Variants in CRPPA observed in about 807,000 individuals in gnomAD.
CRPPA encodes CDP-L-ribitol pyrophosphorylase A, also known as D-ribitol-5-phosphate cytidylyltransferase.
A neutral mutation model predicts 52.0 loss-of-function variants in CRPPA; 43 were observed. The ratio of observed to expected loss-of-function variants is 0.83; its 90% confidence interval spans 0.65 to 1.07. The LOEUF (loss-of-function observed/expected upper bound fraction) is 1.07. CRPPA is among the 50% of genes least tolerant of loss of function. The pLI is 0.00. For synonymous variants in CRPPA, 250 were observed against 203.5 expected (o/e 1.23, Z -1.94); for missense variants, 629 against 551.7 (o/e 1.14, Z -1.40).
intron 5 of CRPPA, among the ~76,000 whole-genome samples, chr7:16,283,251 C>CAT (rs140032683): frequency 1.2e-3 from 181 of 145,480 alleles, no homozygotes; most frequent in African/African-American, 2.9e-3. Context: ...ACTGATCTAC[C>CAT]ATATATATAT....
intron 8 of CRPPA, among the ~76,000 whole-genome samples, chr7:16,221,152 C>A (rs1357089772): frequency 2.6e-5 from 4 of 152,192 alleles, no homozygotes; most frequent in Admixed American, 2.0e-4. Flanking sequence ...ATATCTACAA[C>A]TATCTAATCT....
intron 9 of CRPPA, among the ~76,000 whole-genome samples, chr7:16,152,408 G>T (rs555034784): frequency 2.0e-5 from 3 of 151,910 alleles, no homozygotes; most frequent in African/African-American, 7.2e-5. Flanking sequence ...TCAAGAAAAC[G>T]GTAACTACCC....
intron 3 of CRPPA, among the ~76,000 whole-genome samples, chr7:16,310,125 A>G (rs1447358036): frequency 1.3e-5 from 2 of 152,184 alleles, no homozygotes; most frequent in African/African-American, 2.4e-5. Context: ...GGTATTGCAC[A>G]AAATGTTTTG....
At chr7:16,271,895 T>C (rs1784098279) in intron 6 of CRPPA, among the ~76,000 whole-genome samples, 1 of 152,250 alleles carries the variant, frequency 6.6e-6, no homozygotes, top group Non-Finnish European at 1.5e-5. Context: ...CTAGTGACTA[T>C]ATCATGACAG....
intron 2 of CRPPA, among the ~76,000 whole-genome samples, chr7:16,389,944 T>C (rs1292083798): frequency 1.4e-5 from 1 of 72,140 alleles, no homozygotes; most frequent in Non-Finnish European, 2.6e-5. Context: ...TATATATATA[T>C]ATATATATAT....
chr7:16,182,926 A>T (rs1781440645), intron 9 of CRPPA, among the ~76,000 whole-genome samples: 1 of 152,226 alleles, frequency 6.6e-6, no homozygotes, highest in African/African-American at 2.4e-5. Context: ...AAGGCCCAAG[A>T]AAAGTCTATC....
At chr7:16,384,513 A>T (rs1262957588) in intron 2 of CRPPA, among the ~76,000 whole-genome samples, 1 of 152,258 alleles carries the variant, frequency 6.6e-6, no homozygotes, top group African/African-American at 2.4e-5. Context: ...GCATTATCAA[A>T]AATAAAGGTG....
chr7:16,284,917 C>A (rs1408194105), intron 5 of CRPPA, among the ~76,000 whole-genome samples: 2 of 152,102 alleles, frequency 1.3e-5, no homozygotes, highest in Non-Finnish European at 2.9e-5. Context: ...GGGAGCAGGG[C>A]TCCAATAAAT....
chr7:16,189,868 T>G (rs1019653174), intron 9 of CRPPA, among the ~76,000 whole-genome samples: 1 of 152,184 alleles, frequency 6.6e-6, no homozygotes, highest in African/African-American at 2.4e-5. Context: ...TGAGAAATCC[T>G]CTACAAATAT....
intron 5 of CRPPA, among the ~76,000 whole-genome samples, 159 bp from the exon 6 acceptor site, chr7:16,278,385 G>A (rs1223210494): frequency 6.6e-6 from 1 of 152,184 alleles, no homozygotes; most frequent in Non-Finnish European, 1.5e-5. Context: ...ACACTGAGAT[G>A]GCCTTGATTC....
chr7:16,349,224 C>T (rs958264331), intron 3 of CRPPA, among the ~76,000 whole-genome samples: 5 of 152,098 alleles, frequency 3.3e-5, no homozygotes, highest in Non-Finnish European at 7.4e-5. Context: ...TGTGGCACAT[C>T]CCAACCTCCT....
chr7:16,387,086 T>C (rs6965612), intron 2 of CRPPA, among the ~76,000 whole-genome samples: 16,307 of 54,918 alleles, frequency 0.3, 1,437 homozygotes, highest in East Asian at 0.54. Context: ...TATATATATA[T>C]ACACACATAT....
intron 3 of CRPPA, among the ~76,000 whole-genome samples, chr7:16,319,248 T>C (rs1785207257): frequency 6.6e-6 from 1 of 152,186 alleles, no homozygotes; most frequent in African/African-American, 2.4e-5. Flanking sequence ...TAGCTATTCA[T>C]TTAAATCTAC....
At chr7:16,293,620 A>C (rs1304134004) in intron 5 of CRPPA, among the ~76,000 whole-genome samples, 1 of 151,952 alleles carries the variant, frequency 6.6e-6, no homozygotes, top group Non-Finnish European at 1.5e-5. Flanking sequence ...CTACAATATA[A>C]ATGGACGGAG....
intron 5 of CRPPA, among the ~76,000 whole-genome samples, chr7:16,288,845 CAAAAA>C (rs71007760): frequency 2.3e-4 from 8 of 34,836 alleles, no homozygotes; most frequent in Admixed American, 8.9e-4. Context: ...GACTCTGCCT[CAAAAA>C]AAAAAAAAAA....
At chr7:16,279,428 C>G (rs1441898976) in intron 5 of CRPPA, among the ~76,000 whole-genome samples, 1 of 152,124 alleles carries the variant, frequency 6.6e-6, no homozygotes, top group Non-Finnish European at 1.5e-5. Flanking sequence ...ATCTATGTAA[C>G]AGGTTCAGGA....
At chr7:16,353,082 G>A (rs1440031678) in intron 3 of CRPPA, among the ~76,000 whole-genome samples, 2 of 152,102 alleles carry the variant, frequency 1.3e-5, no homozygotes, top group Admixed American at 6.6e-5. Context: ...TTGGCCAGGC[G>A]TGGTGGCTCA....
chr7:16,091,739 T>C lies in CRPPA; in HGVS notation c.1312A>G (p.Lys438Glu). 2 of 1,564,374 alleles carry C rather than the reference T, an allele frequency of 1.3e-6. No homozygotes were observed. The highest frequency in any genetic ancestry group is 1.7e-6 in the Non-Finnish European group (2 of 1,153,052). ...CCAATGAGTCCAGAATTTCTTTCCT[T>C]GATTAATGAAGCAATAATGATAGCA... The part of the protein sequence containing the change: ...QGAIIIASLI[K>E]ERNSGLIGQL... The change falls in exon 10 of 10, where the codon AAG becomes GAG. Residue 438 changes from lysine (K) to glutamate (E), a missense_variant. By Grantham distance (56) the Lys-to-Glu change is moderately conservative. Transcript: ENST00000407010.
intron 8 of CRPPA, among the ~76,000 whole-genome samples, chr7:16,243,621 T>C (rs981436878): frequency 6.6e-6 from 1 of 152,124 alleles, no homozygotes; most frequent in Non-Finnish European, 1.5e-5. Context: ...AAAGGATTAA[T>C]AATGAATATT....
Sources: gnomAD v4.1 joint callset for allele counts (sites outside exome capture counted in the v4.1 genomes callset) on GRCh38, gnomAD v4.1.1 for gene constraint, MANE v1.5 for transcripts, NCBI Gene and HGNC (gene_info 2026-07-23, HGNC 2026-07-21) for gene names.